Variants in ACOX3 observed in about 807,000 individuals in gnomAD.
ACOX3 encodes the protein acyl-CoA oxidase 3, pristanoyl, also known as peroxisomal acyl-coenzyme A oxidase 3.
In ACOX3, 73 loss-of-function variants were observed where a neutral mutation model predicts 81.5. The observed-to-expected ratio is 0.90, with a 90% confidence interval of 0.74 to 1.09. The LOEUF is 1.09. Among genes scored for constraint, ACOX3 ranks in the 50% least tolerant of loss-of-function variants. The pLI is 0.00. For synonymous variants in ACOX3, 387 were observed against 375.1 expected, an observed-to-expected ratio of 1.03 and a Z score of -0.37; for missense variants, 947 against 928.0, an observed-to-expected ratio of 1.02 and a Z score of -0.27.
intron 1 of ACOX3, among the ~76,000 whole-genome samples, chr4:8,418,083 G>A (rs1482556626): frequency 6.6e-6 from 1 of 152,158 alleles, no homozygotes; most frequent in Non-Finnish European, 1.5e-5. Context: ...GTTCCATTGT[G>A]AATTCTGCCA....
At chr4:8,410,905 C>T (rs558223007) in intron 5 of ACOX3, among the ~76,000 whole-genome samples, 64 of 152,366 alleles carry the variant, frequency 4.2e-4, no homozygotes, top group African/African-American at 1.5e-3. Context: ...GGAACGCATG[C>T]GTGAACTAGC....
chr4:8,399,716 A>C lies in ACOX3; in HGVS notation c.777-64T>G. 1 of 1,462,566 alleles carries C rather than the reference A, an allele frequency of 6.8e-7. No homozygotes were observed. The highest frequency in any genetic ancestry group is 9.6e-7 in the Non-Finnish European group (1 of 1,045,862). The allele number at this position is 1,462,566 out of a possible 1,614,324, so 90.6% of individuals were successfully genotyped here. A position where few individuals can be genotyped will look rare whatever the true frequency, so the allele number is the denominator to read the frequency against. On this transcript the variant is annotated intron_variant, in intron 7 of 17. Coordinates refer to ENST00000356406, the MANE Select transcript of ACOX3 (RefSeq NM_003501.3). This position sits in a 1 kb window ranked among gnomAD's most constrained non-coding sequence, Gnocchi z 4.9. ...CTGCCCTGAGGCTCTTCTCTTCTCC[A>C]AGGGCAGCCTAAAAGCTGATGCAAT...
Position 8,399,649 on chromosome 4 carries a change from G to C in ACOX3, c.780C>G (p.Phe260Leu). The part of the protein sequence containing the change: ...KLGQNGLDNG[F>L]AMFHKVRVPR... ...GAACTCTGACCTTGTGGAACATGGC[G>C]AAACTGTGGGGAAGCAGCAGGGCTT... Residue 260 changes from phenylalanine (F) to leucine (L), a missense_variant, in exon 8 of 18, where the codon TTC becomes TTG. Physicochemically the swap from Phe to Leu is conservative, Grantham distance 22 (BLOSUM62 0). Coordinates refer to ENST00000356406, the MANE Select transcript of ACOX3 (RefSeq NM_003501.3). The surrounding 1 kb of genome is among the most constrained non-coding windows in gnomAD (Gnocchi z 4.9). The C allele has an allele frequency of 6.2e-7, 1 of 1,613,950 alleles. No individual in the cohort carries two copies. The highest frequency in any genetic ancestry group is 8.5e-7 in the Non-Finnish European group (1 of 1,179,836).
In ACOX3 at chr4:8,394,838, C is replaced by T; in HGVS notation, c.1057-96G>A. On this transcript the variant is annotated intron_variant, in intron 9 of 17. Transcript: ENST00000356406. This position sits in a 1 kb window ranked among gnomAD's most constrained non-coding sequence, Gnocchi z 5.9. ...GAAAGCCAGTGCAGGGAGAGGCCGT[C>T]AGGGCCACACACCCACTAGCGCTGA... is the stretch of plus-strand genomic sequence containing the variant. The T allele has an allele frequency of 6.8e-7, 1 of 1,469,572 alleles. No homozygotes were observed. The allele number at this position is 1,469,572 out of a possible 1,614,324, so 91.0% of individuals were successfully genotyped here.
chr4:8,382,990 CA>C lies in ACOX3; in HGVS notation c.1538-1384del, dbSNP rs143092717. 1.4e-5 allele frequency among the ~76,000 whole-genome samples: 1 copy of C among 72,088 alleles called. No homozygotes were observed. The highest frequency in any genetic ancestry group is 7.0e-5 in the African/African-American group (1 of 14,264). 47.3% of individuals were successfully genotyped at this position (72,088 alleles called of 152,430 possible). On this transcript the variant is annotated intron_variant, in intron 13 of 17. Transcript: ENST00000356406. The surrounding 1 kb of genome is among the most constrained non-coding windows in gnomAD (Gnocchi z 4.1). ...TGGGCGACAGAGCGAGACTCCGTCT[CA>C]AAAAAAAAAAAAAAAGAAAAGAAAA...
At chr4:8,366,070 A>G (rs1399151256), downstream of ACOX3, among the ~76,000 whole-genome samples, 1 of 152,180 alleles carries the variant, frequency 6.6e-6, no homozygotes, top group Non-Finnish European at 1.5e-5. Flanking sequence ...AAGAAGCAGG[A>G]CCCAGATGCA....
Position 8,367,069 on chromosome 4 carries a change from G to A in ACOX3, c.1995C>T (p.Asn665=). 6.2e-7 allele frequency: 1 copy of A among 1,613,948 alleles called. No homozygotes were observed. The highest frequency in any genetic ancestry group is 1.7e-5 in the Admixed American group (1 of 60,006). The change falls in exon 18 of 18, where the codon AAC becomes AAT. Residue 665 remains asparagine (N), a synonymous_variant. Transcript: ENST00000356406. ...TTTCCTGCAGGACAGCGCCCCAGAGGTTTTTGTAGAGCTGCAAACAACACG... is the reference window on the plus strand; with the variant it reads ...TTTCCTGCAGGACAGCGCCCCAGAGATTTTTGTAGAGCTGCAAACAACACG... ...IGRADGELYK[N]LWGAVLQESK...
At chr4:8,417,862 G>T (rs917093379) in intron 1 of ACOX3, among the ~76,000 whole-genome samples, 8 of 152,102 alleles carry the variant, frequency 5.3e-5, no homozygotes, top group African/African-American at 1.9e-4. Context: ...ATCAAAGACG[G>T]GACATCACCA....
intron 16 of ACOX3, among the ~76,000 whole-genome samples, chr4:8,371,725 C>T (rs73799162): frequency 0.02 from 2,981 of 152,380 alleles, 97 homozygotes; most frequent in African/African-American, 0.068. Flanking sequence ...GCCACCTGGT[C>T]CTGGTCCACG....
chr4:8,440,455 A>G (rs1724549826), intron 1 of ACOX3, among the ~76,000 whole-genome samples, 193 bp downstream of exon 1: 1 of 152,210 alleles, frequency 6.6e-6, no homozygotes, highest in African/African-American at 2.4e-5. Flanking sequence ...CCAGAACCCA[A>G]GTGGAGAAAA....
At chr4:8,361,287 G>A (rs367895485), downstream of ACOX3, among the ~76,000 whole-genome samples, 19 of 151,804 alleles carry the variant, frequency 1.3e-4, 1 homozygote, top group African/African-American at 2.2e-4. Context: ...TTAGCCAGGC[G>A]TGGTTGTGGG....
intron 14 of ACOX3, among the ~76,000 whole-genome samples, chr4:8,377,623 T>C (rs940364923): frequency 1.3e-5 from 2 of 152,212 alleles, no homozygotes; most frequent in Admixed American, 6.5e-5. Context: ...TTTGCCTGCA[T>C]GATACTGCGC....
rs775335022 is a variant in ACOX3, at chr4:8,419,359, CG to C, written c.-14-2825del. On this transcript the variant is annotated intron_variant, in intron 1 of 17. Coordinates refer to ENST00000356406, the MANE Select transcript of ACOX3 (RefSeq NM_003501.3). The surrounding 1 kb of genome is among the most constrained non-coding windows in gnomAD (Gnocchi z 4.2). Reference sequence around the variant, plus strand: ...GCTGAGGCAGAGAATTACTTAAACCCGGGAGGCAGAGATTGCAGTAGCCTAG... The same window carrying C: ...GCTGAGGCAGAGAATTACTTAAACCCGGAGGCAGAGATTGCAGTAGCCTAG... Among the ~76,000 whole-genome samples, 142 of 151,584 alleles carry C rather than the reference CG, an allele frequency of 9.4e-4. No individual in the cohort carries two copies. Among genetic ancestry groups the C allele is most frequent in the Admixed American group, 2.2e-3 (34 of 15,230 alleles).
intron 14 of ACOX3, 136 bp from the exon 15 acceptor site, chr4:8,375,288 G>A: frequency 1.2e-6 from 1 of 851,206 alleles, no homozygotes; most frequent in Non-Finnish European, 1.8e-6. Context: ...ATAAGGTGAG[G>A]CAGAGCACAG....
intron 3 of ACOX3, among the ~76,000 whole-genome samples, chr4:8,415,536 T>A (rs1347050690): frequency 6.6e-6 from 1 of 151,654 alleles, no homozygotes; most frequent in Non-Finnish European, 1.5e-5. Flanking sequence ...CAAGGACTTA[T>A]GGGTGCAAAT....
chr4:8,383,467 G>A (rs1280116499), intron 13 of ACOX3, among the ~76,000 whole-genome samples: 1 of 152,224 alleles, frequency 6.6e-6, no homozygotes, highest in African/African-American at 2.4e-5. Flanking sequence ...GTCCTTACAA[G>A]ATGCAGAGAC....
chr4:8,400,495 C>T lies in ACOX3; in HGVS notation c.777-843G>A, dbSNP rs557674621. On this transcript the variant is annotated intron_variant, in intron 7 of 17. Coordinates refer to ENST00000356406, the MANE Select transcript of ACOX3 (RefSeq NM_003501.3). The surrounding 1 kb of genome is among the most constrained non-coding windows in gnomAD (Gnocchi z 4.4). ...TGGTGTGATGGCATTGGTGCTCCCTCGGCAAGGAAATTCACTTCTTTTGAA... is the reference window on the plus strand; with the variant it reads ...TGGTGTGATGGCATTGGTGCTCCCTTGGCAAGGAAATTCACTTCTTTTGAA... 9.9e-5 allele frequency among the ~76,000 whole-genome samples: 15 copies of T among 152,242 alleles called. No homozygotes were observed. The highest frequency in any genetic ancestry group is 3.9e-4 in the East Asian group (2 of 5,184).
At chr4:8,374,059 G>A (rs1211682865) in intron 15 of ACOX3, 4 of 208,662 alleles carry the variant, frequency 1.9e-5, no homozygotes, top group Non-Finnish European at 3.9e-5. Context: ...AGTTGGGGGC[G>A]GTGGGCACCT....
chr4:8,374,853 GCGCCATC>G, intron 15 of ACOX3, 118 bp downstream of exon 15: 2 of 1,088,290 alleles, frequency 1.8e-6, no homozygotes, highest in Non-Finnish European at 2.5e-6. Context: ...TCTGTCCACA[GCGCCATC>G]CGCCGTGCTC....
Sources: gnomAD v4.1 joint callset for allele counts (sites outside exome capture counted in the v4.1 genomes callset) on GRCh38, gnomAD v4.1.1 for gene constraint, Gnocchi (gnomAD v3.1) non-coding constraint, MANE v1.5 for transcripts, NCBI Gene and HGNC (gene_info 2026-07-23, HGNC 2026-07-21) for gene names.